The following FHIT variants were observed in gnomAD, a reference collection of about 807,000 sequenced individuals.
The protein encoded by FHIT is bis(5'-adenosyl)-triphosphatase.
In FHIT, 19 loss-of-function variants were observed where a neutral mutation model predicts 17.9. The observed-to-expected ratio is 1.06, with a 90% CI of 0.74 to 1.56. FHIT has a LOEUF of 1.56. FHIT is among the 40% of genes most tolerant of loss of function. The pLI, the probability that FHIT is intolerant of heterozygous loss-of-function variation, is 0.00. For missense variants in FHIT, 248 were observed against 189.2 expected (o/e 1.31, Z -1.82); for synonymous variants, 81 against 69.7 (o/e 1.16, Z -0.81).
intron 5 of FHIT, among the ~76,000 whole-genome samples, chr3:60,521,308 C>T (rs1413003661): frequency 6.6e-6 from 1 of 152,038 alleles, no homozygotes. Context: ...AGTGCAATGG[C>T]ATGATCTCGG....
chr3:60,513,317 A>G (rs949377526), intron 5 of FHIT, among the ~76,000 whole-genome samples: 1 of 152,192 alleles, frequency 6.6e-6, no homozygotes, highest in Admixed American at 6.5e-5. Context: ...TCTGAATCTT[A>G]TATACACAGA....
At chr3:60,279,342 AAATAGATAATCTG>A (rs1239681313) in intron 5 of FHIT, among the ~76,000 whole-genome samples, 1 of 152,330 alleles carries the variant, frequency 6.6e-6, no homozygotes, top group East Asian at 1.9e-4. Flanking sequence ...ACAAAAAGAG[AAATAGATAATCTG>A]AATAGGTCTA....
intron 4 of FHIT, among the ~76,000 whole-genome samples, chr3:60,642,452 A>T (rs2039750164): frequency 6.6e-6 from 1 of 152,168 alleles, no homozygotes; most frequent in African/African-American, 2.4e-5. Flanking sequence ...CCCAAAGACA[A>T]TGAATGATAA....
intron 5 of FHIT, among the ~76,000 whole-genome samples, chr3:60,200,529 A>C (rs1046937237): frequency 1.3e-5 from 2 of 152,148 alleles, no homozygotes; most frequent in Non-Finnish European, 2.9e-5. Context: ...AAATTAATTA[A>C]ATCATTAAAA....
At chr3:61,190,717 G>C (rs2038686824) in intron 2 of FHIT, among the ~76,000 whole-genome samples, 1 of 152,164 alleles carries the variant, frequency 6.6e-6, no homozygotes, top group Non-Finnish European at 1.5e-5. Context: ...TTAAGAAAAT[G>C]TGGCATATAT....
At chr3:59,818,492 G>T (rs550807642) in intron 8 of FHIT, among the ~76,000 whole-genome samples, 1 of 151,926 alleles carries the variant, frequency 6.6e-6, no homozygotes, top group African/African-American at 2.4e-5. Flanking sequence ...GTCATTTACA[G>T]TAAGATACAC....
chr3:60,794,315 T>A (rs1700897021), intron 4 of FHIT, among the ~76,000 whole-genome samples: 1 of 152,104 alleles, frequency 6.6e-6, no homozygotes, highest in South Asian at 2.1e-4. Flanking sequence ...ATACATATTC[T>A]AAATAGAGAG....
chr3:60,885,123 GT>G (rs1391153444), intron 3 of FHIT, among the ~76,000 whole-genome samples: 4 of 151,976 alleles, frequency 2.6e-5, no homozygotes, highest in Admixed American at 2.6e-4. Context: ...AAGTTCTAGT[GT>G]TTGATAGCAC....
intron 5 of FHIT, among the ~76,000 whole-genome samples, chr3:60,376,377 C>T (rs775347310): frequency 2.6e-5 from 4 of 152,176 alleles, no homozygotes; most frequent in Non-Finnish European, 4.4e-5. Flanking sequence ...GACTGGAATA[C>T]TGTTTACAAG....
intron 3 of FHIT, among the ~76,000 whole-genome samples, chr3:60,906,294 T>C (rs1559817486): frequency 6.6e-6 from 1 of 152,200 alleles, no homozygotes; most frequent in Non-Finnish European, 1.5e-5. Flanking sequence ...AGGATCTCAC[T>C]GTGGAATAAA....
At chr3:60,175,375 G>T (rs1701622756) in intron 5 of FHIT, among the ~76,000 whole-genome samples, 1 of 152,130 alleles carries the variant, frequency 6.6e-6, no homozygotes, top group Admixed American at 6.5e-5. Context: ...TGGAAATGAT[G>T]ACTCTGTTGT....
chr3:60,105,334 T>A (rs1343707826), intron 5 of FHIT, among the ~76,000 whole-genome samples: 1 of 152,228 alleles, frequency 6.6e-6, no homozygotes, highest in African/African-American at 2.4e-5. Context: ...ATGCATGTAC[T>A]CACACACAAA....
chr3:60,739,021 C>T (rs2108004879), intron 4 of FHIT, among the ~76,000 whole-genome samples: 1 of 152,314 alleles, frequency 6.6e-6, no homozygotes, highest in East Asian at 1.9e-4. Flanking sequence ...GAAGGAATGT[C>T]TGAACGCCGA....
At chr3:60,109,142 G>GGA (rs1553686698) in intron 5 of FHIT, among the ~76,000 whole-genome samples, 31 of 151,856 alleles carry the variant, frequency 2.0e-4, no homozygotes, top group African/African-American at 3.9e-4. Context: ...GTAGGGGCAG[G>GGA]GAGAGAGAGA....
intron 8 of FHIT, among the ~76,000 whole-genome samples, chr3:59,775,488 T>C (rs1702265754): frequency 6.6e-6 from 1 of 152,178 alleles, no homozygotes; most frequent in Admixed American, 6.5e-5. Context: ...ATTCCCGAGT[T>C]TAACAGCTCA....
chr3:59,837,259 A>T (rs1701370237), intron 8 of FHIT, among the ~76,000 whole-genome samples: 1 of 152,182 alleles, frequency 6.6e-6, no homozygotes, highest in Non-Finnish European at 1.5e-5. Context: ...GACCTCCCTC[A>T]GATGCCAAAA....
intron 4 of FHIT, among the ~76,000 whole-genome samples, chr3:60,672,231 A>G (rs2040523162): frequency 6.6e-6 from 1 of 152,170 alleles, no homozygotes; most frequent in Non-Finnish European, 1.5e-5. Flanking sequence ...AGAGACCACC[A>G]AACAGGCTTT....
chr3:60,756,292 T>C (rs2042569830), intron 4 of FHIT, among the ~76,000 whole-genome samples: 1 of 152,222 alleles, frequency 6.6e-6, no homozygotes, highest in Admixed American at 6.5e-5. Flanking sequence ...GTGAGTATTG[T>C]ACAAGGTTTC....
At chr3:60,091,068 G>A (rs550775570) in intron 5 of FHIT, among the ~76,000 whole-genome samples, 12 of 152,276 alleles carry the variant, frequency 7.9e-5, no homozygotes, top group East Asian at 7.7e-4. Context: ...GCAGACAGTC[G>A]TCTCCTTGGA....
Sources: gnomAD v4.1 joint callset for allele counts (sites outside exome capture counted in the v4.1 genomes callset) on GRCh38, gnomAD v4.1.1 for gene constraint, MANE v1.5 for transcripts, NCBI Gene and HGNC (gene_info 2026-07-23, HGNC 2026-07-21) for gene names.